PLCL1: variants seen among roughly 807,000 people sequenced by gnomAD.
PLCL1 encodes inactive phospholipase C-like protein 1.
In PLCL1, 41 loss-of-function variants were observed where a neutral mutation model predicts 84.4. That is an observed-to-expected ratio of 0.49 (90% CI 0.38 to 0.63). The LOEUF (loss-of-function observed/expected upper bound fraction) is 0.63, where lower values mean the gene tolerates loss of function less well. PLCL1 is among the 30% of genes least tolerant of loss of function. The pLI is 0.00. For missense variants in PLCL1, 1,206 were observed against 1,367.8 expected (o/e 0.88, Z 1.87); for synonymous variants, 490 against 488.3 (o/e 1.00, Z -0.05).
At chr2:197,822,477 C>T (rs527894132) in intron 1 of PLCL1, among the ~76,000 whole-genome samples, 2 of 152,274 alleles carry the variant, frequency 1.3e-5, no homozygotes, top group South Asian at 4.1e-4. Flanking sequence ...GTGGGTGTCT[C>T]CTCCCACACT....
chr2:198,131,931 T>C (rs4850822), intron 5 of PLCL1, among the ~76,000 whole-genome samples: 43,750 of 151,846 alleles, frequency 0.29, 7,732 homozygotes, highest in East Asian at 0.54. Flanking sequence ...GGCTAGAAGA[T>C]CCTTCACATT....
At chr2:197,961,222 G>GA (rs1295972843) in intron 1 of PLCL1, among the ~76,000 whole-genome samples, 1 of 141,370 alleles carries the variant, frequency 7.1e-6, no homozygotes, top group Non-Finnish European at 1.5e-5. Flanking sequence ...ATTATTTGAA[G>GA]GTCATTTGGG....
intron 3 of PLCL1, among the ~76,000 whole-genome samples, chr2:198,091,628 C>T (rs144335783): frequency 0.014 from 2,121 of 150,676 alleles, 48 homozygotes; most frequent in African/African-American, 0.046. Context: ...TGCAGTGAGC[C>T]GAGACTGCGC....
At position 198,083,974 on chromosome 2, in the gene PLCL1, C is replaced by A; in HGVS notation, c.457C>A (p.Leu153Ile). Reference protein sequence around the residue: ...ALRWEPSKKDLEKAKLDISAI... With the variant: ...ALRWEPSKKDIEKAKLDISAI... ...TCGCTGGGAACCTTCAAAGAAAGACCTCGAGAAAGCCAAGCTTGATATTTC... is the reference window on the plus strand; with the variant it reads ...TCGCTGGGAACCTTCAAAGAAAGACATCGAGAAAGCCAAGCTTGATATTTC... The change falls in exon 2 of 6, where the codon CTC becomes ATC. Residue 153 changes from leucine to isoleucine, a missense_variant. Physicochemically the swap from Leu to Ile is conservative, Grantham distance 5. Transcript: ENST00000428675. The A allele has an allele frequency of 6.2e-7, 1 of 1,614,050 alleles. No individual in the cohort carries two copies. Among genetic ancestry groups the A allele is most frequent in the Non-Finnish European group, 8.5e-7 (1 of 1,179,980 alleles).
At chr2:198,089,339 C>T (rs1432888073) in intron 3 of PLCL1, among the ~76,000 whole-genome samples, 1 of 152,212 alleles carries the variant, frequency 6.6e-6, no homozygotes, top group Non-Finnish European at 1.5e-5. Context: ...TATGTACACT[C>T]ATCATCTAAA....
intron 1 of PLCL1, among the ~76,000 whole-genome samples, chr2:197,907,932 T>C (rs1274278274): frequency 1.3e-5 from 2 of 152,212 alleles, no homozygotes; most frequent in African/African-American, 4.8e-5. Context: ...TAGATGATTC[T>C]AATGAGCAGC....
chr2:197,980,450 C>A (rs954279942), intron 1 of PLCL1, among the ~76,000 whole-genome samples: 1 of 152,180 alleles, frequency 6.6e-6, no homozygotes, highest in Non-Finnish European at 1.5e-5. Flanking sequence ...GGTGACATAG[C>A]CTGCTTTCCC....
At chr2:197,832,360 G>A (rs1691085573) in intron 1 of PLCL1, among the ~76,000 whole-genome samples, 1 of 152,166 alleles carries the variant, frequency 6.6e-6, no homozygotes, top group Non-Finnish European at 1.5e-5. Flanking sequence ...ACTACCATAA[G>A]AGAATACTAT....
chr2:197,828,765 T>C (rs1233458061), intron 1 of PLCL1, among the ~76,000 whole-genome samples: 1 of 152,178 alleles, frequency 6.6e-6, no homozygotes, highest in Non-Finnish European at 1.5e-5. Flanking sequence ...TACTAAAAGC[T>C]GTTATGTCCC....
intron 1 of PLCL1, among the ~76,000 whole-genome samples, chr2:197,920,729 A>G (rs1241819482): frequency 6.6e-6 from 1 of 152,206 alleles, no homozygotes; most frequent in Non-Finnish European, 1.5e-5. Flanking sequence ...TAAGGGTGAA[A>G]TGACTTGGCA....
At chr2:197,958,593 C>T (rs1689539071) in intron 1 of PLCL1, among the ~76,000 whole-genome samples, 1 of 152,008 alleles carries the variant, frequency 6.6e-6, no homozygotes, top group South Asian at 2.1e-4. Flanking sequence ...TTTCAAGTGG[C>T]ACACTTCAAG....
chr2:197,854,855 T>C (rs1687301110), intron 1 of PLCL1, among the ~76,000 whole-genome samples: 1 of 152,216 alleles, frequency 6.6e-6, no homozygotes, highest in Non-Finnish European at 1.5e-5. Flanking sequence ...AATGCCATGC[T>C]TTCCCCTCCC....
intron 1 of PLCL1, among the ~76,000 whole-genome samples, chr2:197,871,338 A>G (rs1335997197): frequency 6.6e-6 from 1 of 152,038 alleles, no homozygotes; most frequent in Non-Finnish European, 1.5e-5. Context: ...AATGAGGTTC[A>G]TAAGGGAAGG....
intron 1 of PLCL1, among the ~76,000 whole-genome samples, chr2:197,926,296 A>G (rs868856229): frequency 1.3e-5 from 2 of 152,358 alleles, no homozygotes; most frequent in Middle Eastern, 3.4e-3. Flanking sequence ...AGAAAACATC[A>G]GAATGTGACA....
intron 1 of PLCL1, among the ~76,000 whole-genome samples, chr2:198,043,219 C>G (rs1691706818): frequency 6.6e-6 from 1 of 151,932 alleles, no homozygotes; most frequent in African/African-American, 2.4e-5. Flanking sequence ...CATGGAAAGG[C>G]CCAACATTTA....
At chr2:198,136,020 A>C (rs556301440) in intron 5 of PLCL1, among the ~76,000 whole-genome samples, 2 of 152,198 alleles carry the variant, frequency 1.3e-5, no homozygotes, top group Non-Finnish European at 2.9e-5. Context: ...TGTCATTTTT[A>C]TTTTAAACAT....
intron 1 of PLCL1, among the ~76,000 whole-genome samples, chr2:197,955,881 C>T (rs907452121): frequency 1.3e-5 from 2 of 151,838 alleles, no homozygotes; most frequent in African/African-American, 2.4e-5. Flanking sequence ...TATACATGTG[C>T]CATGGTGGTT....
intron 1 of PLCL1, among the ~76,000 whole-genome samples, chr2:198,002,465 C>A (rs1001824148): frequency 2.0e-5 from 3 of 152,130 alleles, no homozygotes; most frequent in Non-Finnish European, 4.4e-5. Context: ...TATTTTTTAA[C>A]ATCTGTAAAA....
intron 1 of PLCL1, among the ~76,000 whole-genome samples, chr2:197,841,007 T>C (rs1686990396): frequency 6.6e-6 from 1 of 152,242 alleles, no homozygotes; most frequent in Admixed American, 6.5e-5. Flanking sequence ...CTAACTTTTT[T>C]TTAAGTTCAT....
Sources: gnomAD v4.1 joint callset for allele counts (sites outside exome capture counted in the v4.1 genomes callset) on GRCh38, gnomAD v4.1.1 for gene constraint, MANE v1.5 for transcripts, NCBI Gene and HGNC (gene_info 2026-07-23, HGNC 2026-07-21) for gene names.